Variants in LRRC41 observed in about 807,000 individuals in gnomAD.
LRRC41 encodes leucine-rich repeat-containing protein 41.
LRRC41 carries 17 observed loss-of-function variants against 72.1 expected under a neutral mutation model. The ratio of observed to expected loss-of-function variants is 0.24; its 90% CI spans 0.16 to 0.35. The LOEUF (loss-of-function observed/expected upper bound fraction) is 0.35. LRRC41 is among the 10% of genes least tolerant of loss of function. The pLI, the probability that LRRC41 is intolerant of heterozygous loss-of-function variation, is 1.00. For missense variants in LRRC41, 759 were observed against 1,065.0 expected (o/e 0.71, Z 4.00); for synonymous variants, 427 against 431.0 (o/e 0.99, Z 0.11).
rs754963133 is a variant in LRRC41, at chr1:46,294,842, G to A, written c.357+2721C>T. Among the ~76,000 whole-genome samples the A allele has an allele frequency of 7.2e-5, 11 of 151,834 alleles. No individual in the cohort carries two copies. In the East Asian group the frequency reaches 7.7e-4, roughly 11 times the overall value. On this transcript the variant is annotated intron_variant, in intron 3 of 9. Transcript: ENST00000617190. ...ACTCCTGATTTCGTGATCCACCCGC[G>A]TTGGCCTCTCAAAGTGCTGGCATTA... is the stretch of plus-strand genomic sequence containing the variant.
At chr1:46,287,162 C>A (rs1235476679) in intron 3 of LRRC41, among the ~76,000 whole-genome samples, 1 of 150,536 alleles carries the variant, frequency 6.6e-6, no homozygotes, top group Non-Finnish European at 1.5e-5. Context: ...AGGCTGGAGT[C>A]CAGTGGCGTG....
In LRRC41 at chr1:46,303,179, C is replaced by T; in HGVS notation, c.144G>A (p.Glu48=). The T allele has an allele frequency of 1.3e-6, 2 of 1,567,070 alleles. No individual in the cohort carries two copies. Among genetic ancestry groups the T allele is most frequent in the African/African-American group, 1.4e-5 (1 of 72,254 alleles). Residue 48 remains glutamate (E), a synonymous_variant, in exon 1 of 10, where the codon GAG becomes GAA. Coordinates refer to ENST00000617190, the MANE Select transcript of LRRC41 (RefSeq NM_006369.5). ...GGGCGCTCACCGCCCGCCCGCACAG[C>T]TCGAACAGGGCGGGGGGAGCGTTGG... ...SGPNAPPALF[E]LCGRAVSAHM...
In LRRC41 at chr1:46,302,822, C is replaced by G. The variant is rs1171208477; in HGVS notation, c.199+302G>C. On this transcript the variant is annotated intron_variant, in intron 1 of 9. Coordinates refer to ENST00000617190, the MANE Select transcript of LRRC41 (RefSeq NM_006369.5). The surrounding 1 kb of genome is among the most constrained non-coding windows in gnomAD (Gnocchi z 4.7). Reference sequence around the variant, plus strand: ...GCCGAGTGTCAGTTCGCGCGGCCCACAGCCGCAATCCAGCCTCAGTCGCCC... The same window carrying G: ...GCCGAGTGTCAGTTCGCGCGGCCCAGAGCCGCAATCCAGCCTCAGTCGCCC... 1 of 985,154 alleles carries G rather than the reference C, an allele frequency of 1.0e-6. No homozygotes were observed. Among genetic ancestry groups the G allele is most frequent in the African/African-American group, 1.7e-5 (1 of 57,194 alleles). The allele number at this position is 985,154 out of a possible 1,614,324, so 61.0% of individuals were successfully genotyped here.
intron 1 of LRRC41, chr1:46,300,787 T>C (rs1047902112): frequency 1.3e-5 from 2 of 152,410 alleles, no homozygotes; most frequent in Non-Finnish European, 2.9e-5. Flanking sequence ...CACAAAGCGA[T>C]GCTAGTCCAC....
rs1569626028 is a variant in LRRC41, at chr1:46,277,709, T to C, written c.*1156A>G. The C allele has an allele frequency of 3.9e-6, 5 of 1,275,674 alleles. No homozygotes were observed. The African/African-American group carries it at 7.3e-5, about 19-fold the overall frequency. 79.0% of individuals were successfully genotyped at this position (1,275,674 alleles called of 1,614,324 possible). ...CTGGGACTCATACTTTTTATTCATCTCCTCTTCTCGGGTAGCTGTAGTTTC... is the reference window on the plus strand; with the variant it reads ...CTGGGACTCATACTTTTTATTCATCCCCTCTTCTCGGGTAGCTGTAGTTTC... On this transcript the variant is annotated 3_prime_UTR_variant, in exon 10 of 10. Coordinates refer to ENST00000617190, the MANE Select transcript of LRRC41 (RefSeq NM_006369.5).
chr1:46,285,617 A>G lies in LRRC41; in HGVS notation c.1240T>C (p.Tyr414His). 6.2e-7 allele frequency: 1 copy of G among 1,614,052 alleles called. No homozygotes were observed. The highest frequency in any genetic ancestry group is 8.5e-7 in the Non-Finnish European group (1 of 1,179,986). The change falls in exon 4 of 10, where the codon TAT (tyrosine) becomes CAT (histidine). Residue 414 changes from tyrosine to histidine, a missense_variant. Tyr to His is a moderately conservative substitution (Grantham distance 83). Coordinates refer to ENST00000617190, the MANE Select transcript of LRRC41 (RefSeq NM_006369.5). The surrounding 1 kb of genome is among the most constrained non-coding windows in gnomAD (Gnocchi z 5.3). ...CCAGCCACAATAAAAACGAAGTCAT[A>G]CAGGTCTTCAGACTCTGCACCAGGC... ...QGPGAESEDLYDFVFIVAGEK... is the reference protein window; with the variant it reads ...QGPGAESEDLHDFVFIVAGEK...
chr1:46,287,341 C>T (rs1660906485), intron 3 of LRRC41, among the ~76,000 whole-genome samples: 1 of 152,074 alleles, frequency 6.6e-6, no homozygotes, highest in South Asian at 2.1e-4. Context: ...ATCTCCTGAC[C>T]TCATGATCCG....
chr1:46,288,064 T>G (rs2148318322), intron 3 of LRRC41, among the ~76,000 whole-genome samples: 1 of 152,356 alleles, frequency 6.6e-6, no homozygotes, highest in South Asian at 2.1e-4. Flanking sequence ...TGTGGAGCTT[T>G]TCTTCCCCAA....
Position 46,278,201 on chromosome 1 carries a change from G to A in LRRC41, c.*664C>T, listed in dbSNP as rs1211113211. The stretch of plus-strand genomic sequence containing the variant: ...GGGGGCTCCGGGATGAGGTACTCCA[G>A]GCTGCCTGGGATGCTGCCTCCACTG... On this transcript the variant is annotated 3_prime_UTR_variant, in exon 10 of 10. Transcript: ENST00000617190. 1.6e-5 allele frequency: 26 copies of A among 1,613,828 alleles called. No individual in the cohort carries two copies. Among genetic ancestry groups the A allele is most frequent in the Non-Finnish European group, 2.2e-5 (26 of 1,179,996 alleles).
chr1:46,290,358 A>C (rs1660981801), intron 3 of LRRC41, among the ~76,000 whole-genome samples: 1 of 152,090 alleles, frequency 6.6e-6, no homozygotes, highest in African/African-American at 2.4e-5. Context: ...GCAGTGAGCT[A>C]AGATCGTGCC....
rs1660697854 is a variant in LRRC41, at chr1:46,278,703, C to T, written c.*162G>A. ...GTGAGAATGCCTGTTTGCTGGGCCT[C>T]ATCAAGGCCTCCAGGACCTCAGTGC... is the stretch of plus-strand genomic sequence containing the variant. On this transcript the variant is annotated 3_prime_UTR_variant, in exon 10 of 10. Coordinates refer to ENST00000617190, the MANE Select transcript of LRRC41 (RefSeq NM_006369.5). The T allele has an allele frequency of 1.5e-6, 1 of 687,978 alleles. No individual in the cohort carries two copies. The highest frequency in any genetic ancestry group is 2.4e-6 in the Non-Finnish European group (1 of 412,328). 42.6% of individuals were successfully genotyped at this position (687,978 alleles called of 1,614,324 possible).
Position 46,286,778 on chromosome 1 carries a change from C to T in LRRC41, c.358-279G>A, listed in dbSNP as rs1415730298. ...ATAGTGTCTCCACTGAAACACTCAC[C>T]CCTGTAAGTTCTTCCATGTTTGTTT... On this transcript the variant is annotated intron_variant, in intron 3 of 9. Transcript: ENST00000617190. The surrounding 1 kb of genome is among the most constrained non-coding windows in gnomAD (Gnocchi z 5.5). Among the ~76,000 whole-genome samples the T allele has an allele frequency of 6.6e-6, 1 of 152,126 alleles. No homozygotes were observed. The highest frequency in any genetic ancestry group is 1.5e-5 in the Non-Finnish European group (1 of 68,018).
At chr1:46,301,659 C>T (rs1449110663) in intron 1 of LRRC41, among the ~76,000 whole-genome samples, 2 of 152,024 alleles carry the variant, frequency 1.3e-5, no homozygotes, top group South Asian at 2.1e-4. Context: ...TCCCCACACC[C>T]CCTCCTCATG....
intron 3 of LRRC41, among the ~76,000 whole-genome samples, chr1:46,291,094 T>G (rs1661006572): frequency 6.6e-6 from 1 of 150,906 alleles, no homozygotes; most frequent in Non-Finnish European, 1.5e-5. Flanking sequence ...CCAAATAAAT[T>G]TTGTATTTTT....
chr1:46,302,043 G>A lies in LRRC41; in HGVS notation c.199+1081C>T. 1 of 985,338 alleles carries A rather than the reference G, an allele frequency of 1.0e-6. No individual in the cohort carries two copies. The highest frequency in any genetic ancestry group is 1.2e-6 in the Non-Finnish European group (1 of 829,894). 61.0% of individuals were successfully genotyped at this position (985,338 alleles called of 1,614,324 possible). A position where few individuals can be genotyped will look rare whatever the true frequency, so the allele number is the denominator to read the frequency against. On this transcript the variant is annotated intron_variant, in intron 1 of 9. Transcript: ENST00000617190. This position sits in a 1 kb window ranked among gnomAD's most constrained non-coding sequence, Gnocchi z 4.7. ...TTCCCTCGTCAGCGGCCAGGCCGCG[G>A]CCAGCGGTCCCCAACCCACAGCCCC... is the stretch of plus-strand genomic sequence containing the variant.
intron 3 of LRRC41, among the ~76,000 whole-genome samples, chr1:46,295,688 T>C (rs1253452040): frequency 6.6e-6 from 1 of 152,230 alleles, no homozygotes; most frequent in Non-Finnish European, 1.5e-5. Context: ...GAGAAAAATA[T>C]AATCTTTATC....
intron 4 of LRRC41, 50 bp from the exon 5 acceptor site, chr1:46,281,435 G>C: frequency 6.4e-7 from 1 of 1,569,336 alleles, no homozygotes; most frequent in Non-Finnish European, 8.7e-7. Flanking sequence ...TGTCAGCAGG[G>C]GTAATATATT....
rs1321397918 is a variant in LRRC41 at position 46,285,830 on chromosome 1, G to T, written c.1027C>A (p.His343Asn). Residue 343 changes from histidine (H) to asparagine (N), a missense_variant, in exon 4 of 10, where the codon CAC becomes AAC. His to Asn is a moderately conservative substitution (Grantham distance 68). Transcript: ENST00000617190. The surrounding 1 kb of genome is among the most constrained non-coding windows in gnomAD (Gnocchi z 5.3). ...GCCTCATGGGAGGTGGCTGGGGGGT[G>T]CAGCTCCCTCTTAAGGTCTGTTCCG... ...AGGTDLKREL[H>N]PPATSHEAPG... is the part of the protein sequence containing the mutation. 1 of 1,594,114 alleles carries T rather than the reference G, an allele frequency of 6.3e-7. No individual in the cohort carries two copies. Among genetic ancestry groups the T allele is most frequent in the Non-Finnish European group, 8.5e-7 (1 of 1,171,626 alleles).
chr1:46,285,620 G>A lies in LRRC41; in HGVS notation c.1237C>T (p.Leu413=). 1 of 1,614,122 alleles carries A rather than the reference G, an allele frequency of 6.2e-7. No individual in the cohort carries two copies. The highest frequency in any genetic ancestry group is 8.5e-7 in the Non-Finnish European group (1 of 1,180,040). ...RQGPGAESED[L]YDFVFIVAGE... ...GCCACAATAAAAACGAAGTCATACAGGTCTTCAGACTCTGCACCAGGCCCC... is the reference window on the plus strand; with the variant it reads ...GCCACAATAAAAACGAAGTCATACAAGTCTTCAGACTCTGCACCAGGCCCC... Residue 413 remains leucine, a synonymous_variant, in exon 4 of 10, where the codon CTG becomes TTG. Coordinates refer to ENST00000617190, the MANE Select transcript of LRRC41 (RefSeq NM_006369.5). This position sits in a 1 kb window ranked among gnomAD's most constrained non-coding sequence, Gnocchi z 5.3.
Sources: allele counts gnomAD v4.1 joint callset (sites outside exome capture counted in the v4.1 genomes callset), GRCh38; gene constraint gnomAD v4.1.1; non-coding constraint Gnocchi (gnomAD v3.1); transcripts MANE v1.5; gene names NCBI Gene and HGNC (gene_info 2026-07-23, HGNC 2026-07-21).